The following GABRG3 variants were observed in gnomAD, a reference collection of about 807,000 sequenced individuals.
GABRG3 encodes the protein gamma-aminobutyric acid receptor subunit gamma-3.
In GABRG3, 25 loss-of-function variants were observed where a neutral mutation model predicts 48.8. The observed-to-expected ratio is 0.51, with a 90% CI of 0.37 to 0.72. The LOEUF (loss-of-function observed/expected upper bound fraction) is 0.72, where lower values mean the gene tolerates loss of function less well. Ranked by LOEUF, GABRG3 falls within the 30% of genes least tolerant of loss-of-function variation. The pLI is 0.00. For synonymous variants in GABRG3, 227 were observed against 217.6 expected (o/e 1.04, Z -0.38); for missense variants, 394 against 577.9 (o/e 0.68, Z 3.26).
At chr15:27,316,305 G>C (rs941365783) in intron 3 of GABRG3, among the ~76,000 whole-genome samples, 2 of 148,776 alleles carry the variant, frequency 1.3e-5, no homozygotes, top group African/African-American at 5.0e-5. Flanking sequence ...GGAGAATGGC[G>C]TGAACCCGGG....
chr15:27,072,282 T>C (rs1257008724), intron 3 of GABRG3, among the ~76,000 whole-genome samples: 1 of 152,182 alleles, frequency 6.6e-6, no homozygotes, highest in Non-Finnish European at 1.5e-5. Context: ...CTCGGTAACA[T>C]TGTGAGGTAC....
intron 3 of GABRG3, among the ~76,000 whole-genome samples, chr15:27,191,478 A>G (rs1354618322): frequency 1.3e-5 from 2 of 152,160 alleles, no homozygotes; most frequent in Admixed American, 1.3e-4. Flanking sequence ...CCATTATGTA[A>G]TGGCCTTCTT....
intron 5 of GABRG3, among the ~76,000 whole-genome samples, chr15:27,338,503 T>G (rs76317698): frequency 0.063 from 9,568 of 152,200 alleles, 614 homozygotes; most frequent in African/African-American, 0.17. Context: ...CTATTAAGTT[T>G]GATTCAGACG....
intron 5 of GABRG3, among the ~76,000 whole-genome samples, chr15:27,346,778 A>G (rs917146956): frequency 6.6e-6 from 1 of 151,144 alleles, no homozygotes; most frequent in Non-Finnish European, 1.5e-5. Context: ...TTTCATTTAT[A>G]TCATTTCCTT....
At position 27,306,656 on chromosome 15, in the gene GABRG3, ATGAACATGTTTAT is replaced by A. The variant is rs1566768708; in HGVS notation, c.271-20152_271-20140del. On this transcript the variant is annotated intron_variant, in intron 3 of 9. Transcript: ENST00000615808. The stretch of plus-strand genomic sequence containing the variant: ...CATATATTTATATATAAACATATAT[ATGAACATGTTTAT>A]ATATAAACATATATATGAACATGTT... Among the ~76,000 whole-genome samples the A allele has an allele frequency of 1.6e-4, 10 of 62,868 alleles. No homozygotes were observed. The South Asian group carries it at 2.3e-3, about 14-fold the overall frequency. The allele number at this position is 62,868 out of a possible 152,430, so 41.2% of individuals were successfully genotyped here. A position where few individuals can be genotyped will look rare whatever the true frequency, so the allele number is the denominator to read the frequency against.
At chr15:27,502,474 T>C (rs1890664012) in intron 6 of GABRG3, among the ~76,000 whole-genome samples, 1 of 152,170 alleles carries the variant, frequency 6.6e-6, no homozygotes, top group African/African-American at 2.4e-5. Context: ...ACCAAATGTG[T>C]GGCTTTTTTC....
At chr15:26,994,008 A>T (rs1165945153) in intron 2 of GABRG3, among the ~76,000 whole-genome samples, 1 of 151,768 alleles carries the variant, frequency 6.6e-6, no homozygotes, top group Non-Finnish European at 1.5e-5. Context: ...GTTTCGTCTG[A>T]TATAGCTACC....
chr15:27,292,003 G>C (rs1187882191), intron 3 of GABRG3, among the ~76,000 whole-genome samples: 5 of 152,154 alleles, frequency 3.3e-5, no homozygotes, highest in Admixed American at 6.5e-5. Context: ...ATAACCCACT[G>C]TTCAACTCCC....
intron 3 of GABRG3, among the ~76,000 whole-genome samples, chr15:27,250,826 A>T (rs1181469750): frequency 6.6e-6 from 1 of 152,194 alleles, no homozygotes; most frequent in Non-Finnish European, 1.5e-5. Flanking sequence ...GCAGAGGCTG[A>T]GGCCACCAGG....
intron 3 of GABRG3, among the ~76,000 whole-genome samples, chr15:27,083,471 T>G (rs1047238407): frequency 2.6e-5 from 4 of 151,986 alleles, no homozygotes; most frequent in African/African-American, 7.3e-5. Context: ...TAGCTGGGAT[T>G]ACAGGCACAC....
chr15:27,043,330 C>G (rs1049713605), intron 3 of GABRG3, among the ~76,000 whole-genome samples: 2 of 152,130 alleles, frequency 1.3e-5, no homozygotes, highest in African/African-American at 4.8e-5. Flanking sequence ...TATAGGAGAC[C>G]GTGGGTTTAG....
intron 6 of GABRG3, among the ~76,000 whole-genome samples, chr15:27,483,594 TC>T (rs1310399696): frequency 6.6e-6 from 1 of 152,192 alleles, no homozygotes; most frequent in Non-Finnish European, 1.5e-5. Flanking sequence ...AATGAGGCGT[TC>T]CCTTGTCCCA....
chr15:27,086,193 C>T (rs531292884), intron 3 of GABRG3, among the ~76,000 whole-genome samples: 109 of 151,192 alleles, frequency 7.2e-4, no homozygotes, highest in African/African-American at 1.5e-3. Context: ...TTTGTGGATC[C>T]GACATGCCAG....
chr15:27,240,193 C>G (rs1890092977), intron 3 of GABRG3, among the ~76,000 whole-genome samples: 1 of 152,138 alleles, frequency 6.6e-6, no homozygotes, highest in South Asian at 2.1e-4. Flanking sequence ...TTGTTAAGAT[C>G]ATTCTATAAT....
rs57903886 is a variant in GABRG3 at position 27,062,434 on chromosome 15, TAA to T, written c.270+35636_270+35637del. 5.8e-4 allele frequency among the ~76,000 whole-genome samples: 19 copies of T among 32,866 alleles called. 2 individuals carry two copies. Among genetic ancestry groups the T allele is most frequent in the Middle Eastern group, 0.036 (1 of 28 alleles). The allele number at this position is 32,866 out of a possible 152,430, so 21.6% of individuals were successfully genotyped here. A position where few individuals can be genotyped will look rare whatever the true frequency, so the allele number is the denominator to read the frequency against. ...CAACATGGTGAAACTCCATCTCTACTAAAAAAAAAAAAAAAAAAAAAAAATTA... is the reference window on the plus strand; with the variant it reads ...CAACATGGTGAAACTCCATCTCTACTAAAAAAAAAAAAAAAAAAAAAATTA... On this transcript the variant is annotated intron_variant, in intron 3 of 9. Transcript: ENST00000615808.
chr15:26,977,197 A>C (rs758173666), intron 2 of GABRG3, 47 bp downstream of exon 2: 1 of 1,566,740 alleles, frequency 6.4e-7, no homozygotes, highest in South Asian at 1.2e-5. Context: ...TGCTGTAGTG[A>C]TATGAAGTTT....
intron 5 of GABRG3, among the ~76,000 whole-genome samples, chr15:27,409,515 A>T (rs1887736560): frequency 6.6e-6 from 1 of 152,194 alleles, no homozygotes; most frequent in African/African-American, 2.4e-5. Flanking sequence ...TAATCTTAAC[A>T]TCAGGTAGAG....
intron 3 of GABRG3, among the ~76,000 whole-genome samples, chr15:27,237,460 T>C (rs7162721): frequency 0.2 from 29,758 of 152,116 alleles, 3,826 homozygotes; most frequent in African/African-American, 0.37. Context: ...GAGGCTGAGC[T>C]GGACCTCACG....
At chr15:27,178,532 C>T (rs575187883) in intron 3 of GABRG3, among the ~76,000 whole-genome samples, 75 of 152,080 alleles carry the variant, frequency 4.9e-4, no homozygotes, top group Non-Finnish European at 7.8e-4. Context: ...GCTGAAAAGT[C>T]GGTTCACAAA....
Sources: gnomAD v4.1 joint callset for allele counts (sites outside exome capture counted in the v4.1 genomes callset) on GRCh38, gnomAD v4.1.1 for gene constraint, MANE v1.5 for transcripts, NCBI Gene and HGNC (gene_info 2026-07-23, HGNC 2026-07-21) for gene names.